NCOR2: variants seen among roughly 807,000 people sequenced by gnomAD.
NCOR2 encodes CTG repeat protein 26.
NCOR2 carries 81 observed loss-of-function variants against 262.9 expected under a neutral mutation model. The observed-to-expected ratio is 0.31, with a 90% CI of 0.26 to 0.37. The LOEUF (loss-of-function observed/expected upper bound fraction) is 0.37. NCOR2 is among the 10% of genes least tolerant of loss of function. The pLI is 1.00. For synonymous variants in NCOR2, 1,659 were observed against 1,559.3 expected (o/e 1.06, Z -1.51); for missense variants, 3,385 against 3,621.4 (o/e 0.93, Z 1.68).
intron 18 of NCOR2, among the ~76,000 whole-genome samples, chr12:124,376,402 C>T (rs775434577): frequency 6.6e-6 from 1 of 152,246 alleles, no homozygotes; most frequent in Admixed American, 6.5e-5. Context: ...GCCTGCATCC[C>T]GCCCATTCAG....
intron 41 of NCOR2, among the ~76,000 whole-genome samples, 191 bp from the exon 44 acceptor site, chr12:124,333,470 C>G (rs762489162): frequency 1.2e-4 from 19 of 152,020 alleles, no homozygotes; most frequent in Non-Finnish European, 2.2e-4. Context: ...TTTAAACAAC[C>G]CTTTAAAAAT....
Position 124,531,381 on chromosome 12 carries a change from T to C in NCOR2, c.-118+4184A>G, listed in dbSNP as rs2050761963. 6.6e-6 allele frequency among the ~76,000 whole-genome samples: 1 copy of C among 152,100 alleles called. No individual in the cohort carries two copies. Among genetic ancestry groups the C allele is most frequent in the South Asian group, 2.1e-4 (1 of 4,820 alleles). The stretch of plus-strand genomic sequence containing the variant: ...CAGGAGGGGCATCCCCCGGGCCCGA[T>C]TAGCGGGCGGCCGCAGGCAGACACG... On this transcript the variant is annotated intron_variant, in intron 1 of 46. Coordinates refer to the NCOR2 transcript ENST00000404621. The surrounding 1 kb of genome is among the most constrained non-coding windows in gnomAD (Gnocchi z 4.5).
chr12:124,372,634 G>A (rs1248293854), intron 19 of NCOR2, 24 bp from the exon 22 acceptor site: 13 of 1,581,636 alleles, frequency 8.2e-6, no homozygotes, highest in African/African-American at 1.3e-5. Context: ...GAAGGAAGAG[G>A]GGATGAGCAG....
At chr12:124,540,295 G>A (rs1019575116), upstream of NCOR2, among the ~76,000 whole-genome samples, 4 of 149,378 alleles carry the variant, frequency 2.7e-5, no homozygotes, top group Non-Finnish European at 4.4e-5. Context: ...CCGAGGAACA[G>A]GTGTCCATGA....
chr12:124,479,556 C>T lies in NCOR2; in HGVS notation c.411+4040G>A, dbSNP rs544083653. Among the ~76,000 whole-genome samples the T allele has an allele frequency of 3.0e-4, 46 of 152,198 alleles. 1 individual carries two copies. In the South Asian group the frequency reaches 8.3e-3, roughly 27 times the overall value. ...ACACACACCCGCACCCACACACAAA[C>T]GCGCACACACACGCACGCGCGCGCG... On this transcript the variant is annotated intron_variant, in intron 3 of 46. Coordinates refer to ENST00000405201, the Ensembl canonical transcript of NCOR2.
At chr12:124,427,097 G>A (rs960553088) in intron 10 of NCOR2, among the ~76,000 whole-genome samples, 5 of 152,160 alleles carry the variant, frequency 3.3e-5, no homozygotes, top group Admixed American at 3.3e-4. Flanking sequence ...CTTTGGAAAT[G>A]CAAGCGCCAT....
intron 5 of NCOR2, among the ~76,000 whole-genome samples, chr12:124,461,564 T>G (rs1389993662): frequency 6.6e-6 from 1 of 152,208 alleles, no homozygotes; most frequent in Non-Finnish European, 1.5e-5. Flanking sequence ...CGTTACCAAG[T>G]GCACATGCCA....
At chr12:124,333,659 AC>A (rs5801547) in intron 41 of NCOR2, among the ~76,000 whole-genome samples, 2 of 148,250 alleles carry the variant, frequency 1.3e-5, no homozygotes, top group African/African-American at 2.5e-5. Flanking sequence ...CACACACATT[AC>A]CCCCCCCGCC....
chr12:124,550,132 C>A (rs572671478), intron 1 of NCOR2, among the ~76,000 whole-genome samples: 1 of 148,464 alleles, frequency 6.7e-6, no homozygotes, highest in South Asian at 2.2e-4. Context: ...AGGGGTGTTG[C>A]CCAGAGCAGC....
intron 12 of NCOR2, among the ~76,000 whole-genome samples, chr12:124,420,353 C>T (rs921205104): frequency 1.1e-4 from 16 of 152,168 alleles, no homozygotes; most frequent in African/African-American, 2.9e-4. Context: ...TCACAGTCAC[C>T]GCTGTTGCTA....
At chr12:124,363,024 T>C (rs1195540979) in intron 21 of NCOR2, among the ~76,000 whole-genome samples, 1 of 152,270 alleles carries the variant, frequency 6.6e-6, no homozygotes, top group African/African-American at 2.4e-5. Context: ...GGCTAGAGCC[T>C]GCTGTGACTC....
Position 124,482,047 on chromosome 12 carries a change from G to A in NCOR2, c.411+1549C>T, listed in dbSNP as rs1414967753. 6.6e-6 allele frequency among the ~76,000 whole-genome samples: 1 copy of A among 152,140 alleles called. No individual in the cohort carries two copies. Among genetic ancestry groups the A allele is most frequent in the Non-Finnish European group, 1.5e-5 (1 of 68,004 alleles). On this transcript the variant is annotated intron_variant, in intron 3 of 46. Coordinates refer to ENST00000405201, the Ensembl canonical transcript of NCOR2. This position sits in a 1 kb window ranked among gnomAD's most constrained non-coding sequence, Gnocchi z 6.3. ...CGCAGGAGAGCAGGGAGGTGGCCAG[G>A]GTGGAGTCCCTGAGTGCCAACAAGA...
chr12:124,337,058 T>A, exon 38 of NCOR2: 2 of 1,491,544 alleles, frequency 1.3e-6, no homozygotes, highest in Non-Finnish European at 1.8e-6. Context: ...GGGGGCCTCC[T>A]TGGGCAGCAA....
At chr12:124,332,829 C>T (rs958542937) in intron 42 of NCOR2, among the ~76,000 whole-genome samples, 6 of 152,120 alleles carry the variant, frequency 3.9e-5, no homozygotes, top group Non-Finnish European at 5.9e-5. Flanking sequence ...CCATCGCCCC[C>T]GGTCTGGCCC....
exon 30 of NCOR2, chr12:124,347,832 G>T: frequency 6.4e-7 from 1 of 1,564,630 alleles, no homozygotes; most frequent in East Asian, 2.4e-5. Flanking sequence ...TACCTTGTGT[G>T]ATGGACCCGC....
intron 16 of NCOR2, among the ~76,000 whole-genome samples, chr12:124,387,791 G>A (rs926235565): frequency 2.6e-5 from 4 of 152,166 alleles, no homozygotes; most frequent in African/African-American, 9.7e-5. Context: ...TTCCCCAGCC[G>A]GGGCCAAGAG....
rs753060968 is a variant in NCOR2, at chr12:124,473,152, G to T, written c.412-21C>A. The T allele has an allele frequency of 5.0e-6, 8 of 1,612,842 alleles. No homozygotes were observed. In the Admixed American group the frequency reaches 1.2e-4, roughly 24 times the overall value. Reference sequence around the variant, plus strand: ...CGGTCCTGTGGCAGAAAAAAAACGGGCATGGGGTCAGCACAGGGGACACCC... The same window carrying T: ...CGGTCCTGTGGCAGAAAAAAAACGGTCATGGGGTCAGCACAGGGGACACCC... On this transcript the variant is annotated intron_variant, in intron 3 of 46. Coordinates refer to ENST00000405201, the Ensembl canonical transcript of NCOR2.
At chr12:124,333,245 C>A in exon 42 of NCOR2, 1 of 1,611,982 alleles carries the variant, frequency 6.2e-7, no homozygotes, top group Non-Finnish European at 8.5e-7. Flanking sequence ...TCCTCACCAC[C>A]ACCCAAGACC....
At chr12:124,403,056 C>G (rs2042067836) in intron 13 of NCOR2, among the ~76,000 whole-genome samples, 1 of 152,144 alleles carries the variant, frequency 6.6e-6, no homozygotes, top group African/African-American at 2.4e-5. Context: ...CCCTGGTGAG[C>G]CTCGGCAGGG....
Sources: gnomAD v4.1 joint callset for allele counts (sites outside exome capture counted in the v4.1 genomes callset) on GRCh38, gnomAD v4.1.1 for gene constraint, Gnocchi (gnomAD v3.1) non-coding constraint, MANE v1.5 for transcripts, NCBI Gene and HGNC (gene_info 2026-07-23, HGNC 2026-07-21) for gene names.